NOTCH1: variants seen among roughly 807,000 people sequenced by gnomAD.
The protein encoded by NOTCH1 is notch receptor 1, also known as neurogenic locus notch homolog protein 1.
Under a neutral mutation model 254.8 loss-of-function variants are expected in NOTCH1, and 37 were observed. The ratio of observed to expected loss-of-function variants is 0.15; its 90% CI spans 0.11 to 0.19. NOTCH1 has a LOEUF of 0.19. NOTCH1 is among the 10% of genes least tolerant of loss of function. The pLI, the probability that NOTCH1 is intolerant of heterozygous loss-of-function variation, is 1.00. For synonymous variants in NOTCH1, 1,731 were observed against 1,618.1 expected, an observed-to-expected ratio of 1.07 and a Z score of -1.68; for missense variants, 2,972 against 3,708.6, an observed-to-expected ratio of 0.80 and a Z score of 5.16.
chr9:136,509,551 G>A lies in NOTCH1; in HGVS notation c.2969+182C>T, dbSNP rs140806253. On this transcript the variant is annotated intron_variant, in intron 18 of 33. Coordinates refer to ENST00000651671, the MANE Select transcript of NOTCH1 (RefSeq NM_017617.5). ...CTCCTGGTGCGGGACACAGGAGGAG[G>A]TCACAATGGCCCTCTCAGGAGGGAC... Among the ~76,000 whole-genome samples, 975 of 152,320 alleles carry A rather than the reference G, an allele frequency of 6.4e-3. 12 individuals are homozygous for A. Among genetic ancestry groups the A allele is most frequent in the African/African-American group, 0.022 (917 of 41,566 alleles).
rs750876781 is a variant in NOTCH1 at position 136,510,680 on chromosome 9, C to T, written c.2713G>A (p.Glu905Lys). ...GGCCGGCAGTCGTCGATGTCGGTCT[C>T]GCAGTTGCGCCCACTGTAGCCGGCC... is the stretch of plus-strand genomic sequence containing the variant. ...CQAGYSGRNC[E>K]TDIDDCRPNP... Residue 905 changes from glutamate to lysine, a missense_variant, in exon 17 of 34, where the codon GAG becomes AAG. By Grantham distance (56) the Glu-to-Lys change is moderately conservative. Around this residue, in one of 8 missense-constraint regions of NOTCH1, gnomAD observed 1,343 missense variants for 1,557.0 expected, o/e 0.86. Coordinates refer to ENST00000651671, the MANE Select transcript of NOTCH1 (RefSeq NM_017617.5). The T allele has an allele frequency of 3.7e-6, 6 of 1,609,064 alleles. No individual in the cohort carries two copies. The South Asian group carries it at 5.5e-5, about 15-fold the overall frequency.
chr9:136,517,952 C>T lies in NOTCH1; in HGVS notation c.1256-15G>A, dbSNP rs200086842. On this transcript the variant is annotated splice_polypyrimidine_tract_variant and intron_variant, in intron 7 of 33. Coordinates refer to ENST00000651671, the MANE Select transcript of NOTCH1 (RefSeq NM_017617.5). ...GGGGTTGGCACCTGGCGAGGGCACA[C>T]GGGTGAGAGGCTGCTCCAGGCACCC... 118 of 1,606,976 alleles carry T rather than the reference C, an allele frequency of 7.3e-5. No individual in the cohort carries two copies. Among genetic ancestry groups the T allele is most frequent in the Middle Eastern group, 1.7e-4 (1 of 5,978 alleles).
chr9:136,499,901 A>G (rs1842970847), intron 31 of NOTCH1, among the ~76,000 whole-genome samples: 1 of 152,206 alleles, frequency 6.6e-6, no homozygotes, highest in South Asian at 2.1e-4. Flanking sequence ...GCGAGATGAC[A>G]ATGTGTCACC....
rs758017301 is a variant in NOTCH1, at chr9:136,518,257, T to G, written c.1135A>C (p.Asn379His). 1 of 1,611,212 alleles carries G rather than the reference T, an allele frequency of 6.2e-7. No individual in the cohort carries two copies. Among genetic ancestry groups the G allele is most frequent in the Non-Finnish European group, 8.5e-7 (1 of 1,179,382 alleles). ...LCHLNDACIS[N>H]PCNEGSNCDT... ...CAGTTGGAGCCCTCGTTACAGGGGTTGCTGATGCATGCGTCGTTGAGGTGG... is the reference window on the plus strand; with the variant it reads ...CAGTTGGAGCCCTCGTTACAGGGGTGGCTGATGCATGCGTCGTTGAGGTGG... The change falls in exon 7 of 34, where the codon AAC (asparagine) becomes CAC (histidine). Residue 379 changes from asparagine to histidine, a missense_variant. This residue lies in a region of NOTCH1 where 90 missense variants were observed against 183.6 expected (regional missense o/e 0.49). Transcript: ENST00000651671.
rs536235789 is a variant in NOTCH1 at position 136,523,586 on chromosome 9, T to A, written c.403+131A>T. 2.4e-6 allele frequency: 3 copies of A among 1,226,316 alleles called. No homozygotes were observed. The Admixed American group carries it at 6.5e-5, about 27-fold the overall frequency. The allele number at this position is 1,226,316 out of a possible 1,614,324, so 76.0% of individuals were successfully genotyped here. On this transcript the variant is annotated intron_variant, in intron 3 of 33. Coordinates refer to ENST00000651671, the MANE Select transcript of NOTCH1 (RefSeq NM_017617.5). ...AGGTCTGGGAGGGGGGCAGGGACCC[T>A]GGGGCAGGGGCTCCCAATTACTTCC...
intron 2 of NOTCH1, among the ~76,000 whole-genome samples, chr9:136,530,189 C>G (rs1589076724): frequency 6.6e-6 from 1 of 152,252 alleles, no homozygotes; most frequent in East Asian, 1.9e-4. Context: ...GGGGTCTGAG[C>G]CGGGGCCAGG....
At chr9:136,511,048 C>A in intron 16 of NOTCH1, 104 bp downstream of exon 16, 1 of 1,555,218 alleles carries the variant, frequency 6.4e-7, no homozygotes, top group South Asian at 1.1e-5. Flanking sequence ...CAGCACCCAC[C>A]AGCTCCTCTT....
chr9:136,505,194 G>A (rs1275405487), intron 25 of NOTCH1, 90 bp from the exon 26 acceptor site: 2 of 1,521,604 alleles, frequency 1.3e-6, no homozygotes, highest in Non-Finnish European at 1.8e-6. Context: ...CAGCCGCGGG[G>A]GACGTCCCTG....
In NOTCH1 at chr9:136,502,316, C is replaced by A. The variant is rs148187717; in HGVS notation, c.5340G>T (p.Lys1780Asn). The A allele has an allele frequency of 4.3e-6, 7 of 1,612,376 alleles. No homozygotes were observed. Among genetic ancestry groups the A allele is most frequent in the Non-Finnish European group, 5.9e-6 (7 of 1,179,828 alleles). ...PEGFKVSEAS[K>N]KKRREPLGED... ...CGCCGAGGGGCTCCCGCCGCTTCTT[C>A]TTGCTGGCCTCAGACACTTTGAAGC... Residue 1780 changes from lysine (K) to asparagine (N), a missense_variant, in exon 28 of 34, where the codon AAG becomes AAT. By Grantham distance (94) the Lys-to-Asn change is moderately conservative. Coordinates refer to ENST00000651671, the MANE Select transcript of NOTCH1 (RefSeq NM_017617.5).
In NOTCH1 at chr9:136,501,928, TGA is replaced by T. The variant is rs777911131; in HGVS notation, c.5473-17_5473-16del. On this transcript the variant is annotated splice_polypyrimidine_tract_variant and intron_variant, in intron 29 of 33. Coordinates refer to ENST00000651671, the MANE Select transcript of NOTCH1 (RefSeq NM_017617.5). Reference sequence around the variant, plus strand: ...GGCTCCTCGAACTACATAGAGGGAGTGAGCAGAGCCTGTCAGGGCAGCCCGGC... The same window carrying T: ...GGCTCCTCGAACTACATAGAGGGAGTGCAGAGCCTGTCAGGGCAGCCCGGC... 6.2e-7 allele frequency: 1 copy of T among 1,611,028 alleles called. No homozygotes were observed. The highest frequency in any genetic ancestry group is 2.2e-5 in the East Asian group (1 of 44,850).
At chr9:136,504,541 A>G in intron 26 of NOTCH1, 132 bp downstream of exon 26, 1 of 1,037,276 alleles carries the variant, frequency 9.6e-7, no homozygotes, top group Non-Finnish European at 1.4e-6. Flanking sequence ...TCCTCTCGGA[A>G]CCTCCGTCTC....
intron 21 of NOTCH1, among the ~76,000 whole-genome samples, chr9:136,507,728 G>A (rs905487704): frequency 2.0e-5 from 3 of 152,266 alleles, no homozygotes; most frequent in Admixed American, 2.0e-4. Context: ...TCTAGGGGAA[G>A]GGAAAACCCC....
At chr9:136,515,942 G>A (rs766302322) in intron 10 of NOTCH1, 39 bp downstream of exon 10, 34 of 1,524,058 alleles carry the variant, frequency 2.2e-5, no homozygotes, top group Middle Eastern at 1.9e-4. Context: ...GCCCTGTCCC[G>A]TCCCCAGTCC....
At chr9:136,528,393 G>GGGGGATGGGCAGGGACAGT (rs1843503207) in intron 2 of NOTCH1, among the ~76,000 whole-genome samples, 1 of 13,228 alleles carries the variant, frequency 7.6e-5, no homozygotes. Flanking sequence ...CAGGGACAGT[G>GGGGGATGGGCAGGGACAGT]GGGGGGGATG....
intron 2 of NOTCH1, among the ~76,000 whole-genome samples, chr9:136,526,131 G>A (rs554948736): frequency 6.6e-6 from 1 of 152,248 alleles, no homozygotes; most frequent in Non-Finnish European, 1.5e-5. Flanking sequence ...GCCTCTGCGG[G>A]CACCTGTTGG....
chr9:136,534,820 C>T (rs1404763222), intron 2 of NOTCH1, among the ~76,000 whole-genome samples: 1 of 150,270 alleles, frequency 6.7e-6, no homozygotes, highest in Non-Finnish European at 1.5e-5. Flanking sequence ...CATCAGAGCC[C>T]CCCAGTTCCC....
chr9:136,497,428 C>T lies in NOTCH1; in HGVS notation c.6311G>A (p.Arg2104His), dbSNP rs1842934984. 8.1e-6 allele frequency: 13 copies of T among 1,612,002 alleles called. No individual in the cohort carries two copies. Among genetic ancestry groups the T allele is most frequent in the Non-Finnish European group, 1.1e-5 (13 of 1,179,928 alleles). The change falls in exon 34 of 34, where the codon CGC (arginine) becomes CAC (histidine). Residue 2104 changes from arginine to histidine, a missense_variant. By Grantham distance (29) the Arg-to-His change is conservative. Transcript: ENST00000651671. ...CAGCCTCACGATGTCGTGATGCATG[C>T]GCTCCTGTGCGATGTCGCGCGGCAG... is the stretch of plus-strand genomic sequence containing the variant. ...DRLPRDIAQERMHHDIVRLLD... is the reference protein window; with the variant it reads ...DRLPRDIAQEHMHHDIVRLLD...
In NOTCH1 at chr9:136,506,383, TAAA is replaced by T. The variant is rs10685223; in HGVS notation, c.4014+141_4014+143del. The T allele has an allele frequency of 1.7e-4, 106 of 609,222 alleles. No individual in the cohort carries two copies. Among genetic ancestry groups the T allele is most frequent in the Middle Eastern group, 4.5e-4 (1 of 2,244 alleles). The allele number at this position is 609,222 out of a possible 1,614,324, so 37.7% of individuals were successfully genotyped here. On this transcript the variant is annotated intron_variant, in intron 24 of 33. Coordinates refer to ENST00000651671, the MANE Select transcript of NOTCH1 (RefSeq NM_017617.5). The surrounding 1 kb of genome is among the most constrained non-coding windows in gnomAD (Gnocchi z 4.5). ...TGTCTCTAAAATCATTTATTGAAACTAAAAAAAAAAAAAAGACATCAGGGTGAG... is the reference window on the plus strand; with the variant it reads ...TGTCTCTAAAATCATTTATTGAAACTAAAAAAAAAAAGACATCAGGGTGAG...
rs61751488 is a variant in NOTCH1 at position 136,496,869 on chromosome 9, G to A, written c.6870C>T (p.Ser2290=). 3.6e-3 allele frequency: 5,879 copies of A among 1,612,896 alleles called. 10 individuals carry two copies. Among genetic ancestry groups the A allele is most frequent in the African/African-American group, 6.1e-3 (456 of 75,054 alleles). The change falls in exon 34 of 34, where the codon AGC becomes AGT. Residue 2290 remains serine, a synonymous_variant. Coordinates refer to ENST00000651671, the MANE Select transcript of NOTCH1 (RefSeq NM_017617.5). ...SGTSTVLGSS[S]GGALNFTVGG... ...CCACAGTGAAATTCAGGGCCCCTCC[G>A]CTGCTGGAGCCCAGGACGGTGCTGG...
Sources: allele counts gnomAD v4.1 joint callset (sites outside exome capture counted in the v4.1 genomes callset), GRCh38; gene constraint gnomAD v4.1.1; regional missense constraint gnomAD v4.1.1; non-coding constraint Gnocchi (gnomAD v3.1); transcripts MANE v1.5; gene names NCBI Gene and HGNC (gene_info 2026-07-23, HGNC 2026-07-21).